The following MYL5 variants were observed in gnomAD, a reference collection of about 807,000 sequenced individuals.
MYL5 encodes myosin regulatory light chain 5.
Under a neutral mutation model 20.8 loss-of-function variants are expected in MYL5, and 28 were observed. That is an observed-to-expected ratio of 1.35 (90% confidence interval 1.00 to 1.84). MYL5 has a LOEUF of 1.84. Ranked by LOEUF, MYL5 falls within the 40% of genes most tolerant of loss-of-function variation. MYL5 has a pLI of 0.00. For missense variants in MYL5, 274 were observed against 227.3 expected (o/e 1.21, Z -1.32); for synonymous variants, 118 against 87.4 (o/e 1.35, Z -1.95).
In MYL5 at chr4:678,698, G is replaced by A. The variant is rs777777538; in HGVS notation, c.44G>A (p.Arg15Gln). The A allele has an allele frequency of 1.0e-4, 164 of 1,611,558 alleles. 1 individual carries two copies. The highest frequency in any genetic ancestry group is 7.4e-5 in the Non-Finnish European group (87 of 1,179,282). ...AAGAAGAAGGAAGGGGGTGCCCTCC[G>A]GGCCCAGAGAGCCTCATCCAATGTC... The change falls in exon 2 of 7, where the codon CGG becomes CAG. Residue 15 changes from arginine (R) to glutamine (Q), a missense_variant. Arg to Gln is a conservative substitution (Grantham distance 43). Coordinates refer to ENST00000400159, the Ensembl canonical transcript of MYL5.
At chr4:675,712 G>C (rs1487341215), upstream of MYL5, 9 of 152,326 alleles carry the variant, frequency 5.9e-5, no homozygotes, top group African/African-American at 1.2e-4. Flanking sequence ...CTTGTGGCCC[G>C]TTAGGAACCG....
rs1230912998 is a variant in MYL5, at chr4:678,652, C to T, written c.4-6C>T. The T allele has an allele frequency of 6.2e-7, 1 of 1,601,626 alleles. No individual in the cohort carries two copies. Among genetic ancestry groups the T allele is most frequent in the African/African-American group, 1.3e-5 (1 of 74,976 alleles). On this transcript the variant is annotated splice_region_variant and splice_polypyrimidine_tract_variant and intron_variant, in intron 1 of 6. Coordinates refer to ENST00000400159, the Ensembl canonical transcript of MYL5. ...AGGACCCTCAGCCATGGTGCTCCCA[C>T]CGCAGGCCAGCAGGAAGACCAAGAA... is the stretch of plus-strand genomic sequence containing the variant.
rs1349021819 is a variant in MYL5 at position 679,942 on chromosome 4, G to A, written c.216G>A (p.Leu72=). The change falls in exon 4 of 7, where the codon CTG becomes CTA. Residue 72 remains leucine (L), a synonymous_variant. Transcript: ENST00000400159. ...AGACCAACGTCAAGGACGACGAGCT[G>A]GACGCCATGCTCAAAGAGGCCTCGG... 7.4e-6 allele frequency: 12 copies of A among 1,613,684 alleles called. No individual in the cohort carries two copies. In the African/African-American group the frequency reaches 1.5e-4, roughly 20 times the overall value.
At chr4:681,299 C>T (rs1739471842) in intron 6 of MYL5, among the ~76,000 whole-genome samples, 159 bp downstream of exon 8, 1 of 152,110 alleles carries the variant, frequency 6.6e-6, no homozygotes, top group African/African-American at 2.4e-5. Context: ...GTCTGAGGGA[C>T]GGAACTGGCT....
intron 4 of MYL5, 31 bp downstream of exon 6, chr4:680,049 C>CGG: frequency 6.6e-7 from 1 of 1,514,034 alleles, no homozygotes; most frequent in Non-Finnish European, 9.0e-7. Flanking sequence ...CCTGGCCCTC[C>CGG]TAGCTAATTC....
upstream of MYL5, chr4:677,015 T>G (rs765559768): frequency 1.8e-4 from 143 of 809,942 alleles, 1 homozygote; most frequent in Non-Finnish European, 2.1e-4. Context: ...GGCACCTGTC[T>G]TTTTAGCCTT....
intron 3 of MYL5, among the ~76,000 whole-genome samples, chr4:679,595 G>T (rs1336933481): frequency 6.6e-6 from 1 of 152,166 alleles, no homozygotes; most frequent in Admixed American, 6.5e-5. Flanking sequence ...TTCTCCTTGG[G>T]GTGGGAGGGT....
exon 1 of MYL5, chr4:677,924 A>G (rs1739008230): frequency 1.3e-6 from 2 of 1,595,946 alleles, no homozygotes; most frequent in African/African-American, 2.7e-5. Flanking sequence ...CCTTGTAGGG[A>G]GTGGCAGCCG....
intron 5 of MYL5, 26 bp from the exon 8 acceptor site, chr4:681,065 CG>C: frequency 6.3e-7 from 1 of 1,580,068 alleles, no homozygotes; most frequent in Non-Finnish European, 8.6e-7. Flanking sequence ...CGCATCAGCC[CG>C]CGCTGACCCC....
intron 6 of MYL5, among the ~76,000 whole-genome samples, chr4:681,385 G>A (rs1451600148): frequency 6.6e-6 from 1 of 151,910 alleles, no homozygotes; most frequent in African/African-American, 2.4e-5. Context: ...CGCGGCCTGA[G>A]CGTCTGTCCC....
intron 2 of MYL5, 87 bp from the exon 5 acceptor site, chr4:678,871 A>C: frequency 1.2e-6 from 2 of 1,608,984 alleles, no homozygotes; most frequent in Non-Finnish European, 1.7e-6. Flanking sequence ...GCCTATCCTC[A>C]GTCAGGGGTG....
chr4:676,471 G>T (rs1738849869), upstream of MYL5: 2 of 152,248 alleles, frequency 1.3e-5, no homozygotes, highest in Non-Finnish European at 2.9e-5. Flanking sequence ...CTTAGTGGTG[G>T]GACGGGTCCC....
intron 1 of MYL5, 131 bp downstream of exon 3, chr4:678,160 G>A (rs1739041798): frequency 6.5e-7 from 1 of 1,544,528 alleles, no homozygotes; most frequent in Non-Finnish European, 8.7e-7. Context: ...CGTGTGCTCT[G>A]CCTGCATATG....
rs1739271108 is a variant in MYL5 at position 679,901 on chromosome 4, A to G, written c.188-13A>G. 1.3e-5 allele frequency: 21 copies of G among 1,611,694 alleles called. No homozygotes were observed. In the East Asian group the frequency reaches 4.5e-4, roughly 34 times the overall value. On this transcript the variant is annotated splice_polypyrimidine_tract_variant and intron_variant, in intron 3 of 6. Transcript: ENST00000400159. ...ACAAGCCCTGCCCTGTGATGCCCCC[A>G]TGTCTGTAACAGGCAAGACCAACGT...
chr4:677,856 C>T, upstream of MYL5: 1 of 1,118,640 alleles, frequency 8.9e-7, no homozygotes, highest in East Asian at 2.4e-5. Context: ...GAGTCACTGC[C>T]AGGCTGCCAA....
At chr4:679,973 A>C in exon 4 of MYL5, 1 of 1,613,650 alleles carries the variant, frequency 6.2e-7, no homozygotes, top group Non-Finnish European at 8.5e-7. Context: ...CTCGGGGCCC[A>C]TCAACTTCAC....
At chr4:676,502 C>G (rs1046937684), upstream of MYL5, 1 of 152,394 alleles carries the variant, frequency 6.6e-6, no homozygotes, top group South Asian at 2.1e-4. Flanking sequence ...GCACACCGCC[C>G]GCAGGGGCCT....
In MYL5 at chr4:681,144, T is replaced by G; in HGVS notation, c.420+4T>G. 1 of 1,603,698 alleles carries G rather than the reference T, an allele frequency of 6.2e-7. No homozygotes were observed. The highest frequency in any genetic ancestry group is 2.2e-5 in the East Asian group (1 of 44,572). ...TGACAAGATGACGGCGGAAGAGGTC[T>G]GGCCCGCGGCTTCCCTGCCAAGCCC... On this transcript the variant is annotated splice_donor_region_variant and intron_variant, in intron 6 of 6. Transcript: ENST00000400159.
At chr4:680,842 AGGCGCCG>A in intron 5 of MYL5, 1 of 631,846 alleles carries the variant, frequency 1.6e-6, no homozygotes, top group South Asian at 1.9e-5. Flanking sequence ...AGCTCCTGCT[AGGCGCCG>A]GGGAAAGTAC....
Sources: allele counts gnomAD v4.1 joint callset (sites outside exome capture counted in the v4.1 genomes callset), GRCh38; gene constraint gnomAD v4.1.1; transcripts MANE v1.5; gene names NCBI Gene and HGNC (gene_info 2026-07-23, HGNC 2026-07-21).